Variants in IFT122 observed in about 807,000 individuals in gnomAD.
IFT122 encodes the protein intraflagellar transport 122.
In IFT122, 118 loss-of-function variants were observed where a neutral mutation model predicts 161.6. The observed-to-expected ratio is 0.73, with a 90% CI of 0.63 to 0.85. The LOEUF is 0.85. Ranked by LOEUF, IFT122 falls within the 40% of genes least tolerant of loss-of-function variation. IFT122 has a pLI of 0.00. For synonymous variants in IFT122, 550 were observed against 602.4 expected (o/e 0.91, Z 1.27); for missense variants, 1,381 against 1,579.6 (o/e 0.87, Z 2.13).
intron 15 of IFT122, among the ~76,000 whole-genome samples, chr3:129,486,541 C>T (rs750014466): frequency 3.9e-5 from 6 of 152,172 alleles, no homozygotes; most frequent in Non-Finnish European, 7.3e-5. Flanking sequence ...GAAAAGCTTT[C>T]AGGAGTTTGA....
Position 129,483,693 on chromosome 3 carries a change from G to C in IFT122, c.1851+11G>C. The C allele has an allele frequency of 6.3e-7, 1 of 1,578,764 alleles. No homozygotes were observed. Among genetic ancestry groups the C allele is most frequent in the South Asian group, 1.2e-5 (1 of 86,820 alleles). ...GTGGAGGTGCCGCAGGTAACTGGGG[G>C]TGCCTGTCCACTCTTAGCACTGGCA... On this transcript the variant is annotated intron_variant, in intron 15 of 29. Coordinates refer to ENST00000348417, the MANE Select transcript of IFT122 (RefSeq NM_052989.3).
chr3:129,486,136 A>C (rs2108378270), intron 15 of IFT122, among the ~76,000 whole-genome samples: 1 of 152,212 alleles, frequency 6.6e-6, no homozygotes, highest in Non-Finnish European at 1.5e-5. Context: ...TTAAAACTCC[A>C]CTCAAATTGT....
intron 8 of IFT122, among the ~76,000 whole-genome samples, chr3:129,468,444 A>G (rs2077029184): frequency 6.6e-6 from 1 of 151,724 alleles, no homozygotes; most frequent in Admixed American, 6.6e-5. Flanking sequence ...CCCGGGTTCT[A>G]AGCGATTCTT....
chr3:129,465,544 C>T (rs2076657730), intron 7 of IFT122, among the ~76,000 whole-genome samples: 1 of 147,682 alleles, frequency 6.8e-6, no homozygotes, highest in Non-Finnish European at 1.5e-5. Context: ...AATCTCGGCT[C>T]ACTGCAACCT....
In IFT122 at chr3:129,517,268, GCACACA is replaced by G. The variant is rs777108020; in HGVS notation, c.3266-172_3266-167del. ...CCCTGCACACACACACATTGCTCCTGCACACACACACACACACACACACACACACAC... is the reference window on the plus strand; with the variant it reads ...CCCTGCACACACACACATTGCTCCTGCACACACACACACACACACACACAC... On this transcript the variant is annotated intron_variant, in intron 26 of 29. Transcript: ENST00000348417. 4.7e-3 allele frequency among the ~76,000 whole-genome samples: 545 copies of G among 117,104 alleles called. 2 individuals carry two copies. Among genetic ancestry groups the G allele is most frequent in the Non-Finnish European group, 8.0e-3 (446 of 55,940 alleles). The allele number at this position is 117,104 out of a possible 152,430, so 76.8% of individuals were successfully genotyped here.
At chr3:129,458,480 A>C (rs1312693979) in intron 3 of IFT122, 119 bp from the exon 4 acceptor site, 1 of 867,692 alleles carries the variant, frequency 1.2e-6, no homozygotes, top group Non-Finnish European at 1.9e-6. Context: ...ACTGATAAGA[A>C]CTAGGAAAGA....
At chr3:129,507,927 T>C (rs1677552922) in intron 23 of IFT122, among the ~76,000 whole-genome samples, 165 bp downstream of exon 23, 1 of 152,150 alleles carries the variant, frequency 6.6e-6, no homozygotes, top group African/African-American at 2.4e-5. Context: ...GTTTCTTTGA[T>C]TGACTGTTTG....
Position 129,510,217 on chromosome 3 carries a change from C to T in IFT122, c.2887-2095C>T, listed in dbSNP as rs574964006. Among the ~76,000 whole-genome samples the T allele has an allele frequency of 2.2e-3, 333 of 152,360 alleles. 1 individual carries two copies. Among genetic ancestry groups the T allele is most frequent in the African/African-American group, 5.4e-3 (225 of 41,588 alleles). On this transcript the variant is annotated intron_variant, in intron 23 of 29. Transcript: ENST00000348417. ...CTGGGATTACAGGCATGAGCCACCA[C>T]GCCCAGCCTTCCCGCCGTTCTTTGA...
Position 129,476,664 on chromosome 3 carries a change from T to G in IFT122, c.1010T>G (p.Val337Gly), listed in dbSNP as rs2108278484. The change falls in exon 11 of 30, where the codon GTG (valine) becomes GGG (glycine). Residue 337 changes from valine (V) to glycine (G), a missense_variant and splice_region_variant. Val to Gly is a moderately radical substitution (Grantham distance 109). This residue lies in a region of IFT122 where 544 missense variants were observed against 648.0 expected (regional missense o/e 0.84). Transcript: ENST00000348417. ...CQAKPDSNYV[V>G]VGCQDGTISF... ...ATTGACAGTTCTCTCACCCCGCAGGTGGTCGGCTGCCAGGACGGCACCATT... is the reference window on the plus strand; with the variant it reads ...ATTGACAGTTCTCTCACCCCGCAGGGGGTCGGCTGCCAGGACGGCACCATT... The G allele has an allele frequency of 6.2e-7, 1 of 1,614,204 alleles. No homozygotes were observed. Among genetic ancestry groups the G allele is most frequent in the East Asian group, 2.2e-5 (1 of 44,878 alleles).
At chr3:129,481,384 T>G in intron 13 of IFT122, 146 bp from the exon 14 acceptor site, 2 of 731,324 alleles carry the variant, frequency 2.7e-6, no homozygotes, top group Non-Finnish European at 2.4e-6. Context: ...CCTCTTTCTT[T>G]TGATGAGTCC....
intron 24 of IFT122, 146 bp from the exon 25 acceptor site, chr3:129,514,243 C>T (rs757964833): frequency 1.0e-5 from 9 of 857,404 alleles, no homozygotes; most frequent in Middle Eastern, 2.1e-4. Flanking sequence ...CTCTCACAAG[C>T]GCACAGAGCC....
At chr3:129,478,292 T>C (rs2078204528) in intron 12 of IFT122, 74 bp downstream of exon 12, 3 of 1,293,868 alleles carry the variant, frequency 2.3e-6, no homozygotes, top group Middle Eastern at 1.8e-4. Flanking sequence ...GGTGCCCACC[T>C]CATGGTTTTA....
At chr3:129,475,990 G>A (rs2077887983) in intron 9 of IFT122, 1 of 412,504 alleles carries the variant, frequency 2.4e-6, no homozygotes, top group African/African-American at 2.0e-5. Context: ...GAGGGAGGGG[G>A]GCCTTTGGGA....
Position 129,479,893 on chromosome 3 carries a change from G to A in IFT122, c.1459G>A (p.Gly487Ser). Reference protein sequence around the residue: ...KVIGGPPGREGLLVGLKNGQI... With the variant: ...KVIGGPPGRESLLVGLKNGQI... Reference sequence around the variant, plus strand: ...GATCGGTGGCCCTCCTGGAAGAGAAGGCCTCTTAGTGGGGCTGAAGAATGG... The same window carrying A: ...GATCGGTGGCCCTCCTGGAAGAGAAAGCCTCTTAGTGGGGCTGAAGAATGG... Residue 487 changes from glycine to serine, a missense_variant, in exon 13 of 30, where the codon GGC (glycine) becomes AGC (serine). Coordinates refer to ENST00000348417, the MANE Select transcript of IFT122 (RefSeq NM_052989.3). 6.2e-7 allele frequency: 1 copy of A among 1,613,976 alleles called. No individual in the cohort carries two copies. The highest frequency in any genetic ancestry group is 8.5e-7 in the Non-Finnish European group (1 of 1,180,004).
rs114763710 is a variant in IFT122 at position 129,484,010 on chromosome 3, C to T, written c.1851+328C>T. ...GGCCGAATGGAGTGAGCAGCAAAGC[C>T]GGGAGTCCGGCAGGGTGTGTGTGTG... On this transcript the variant is annotated intron_variant, in intron 15 of 29. Coordinates refer to ENST00000348417, the MANE Select transcript of IFT122 (RefSeq NM_052989.3). 1,255 of 385,384 alleles carry T rather than the reference C, an allele frequency of 3.3e-3. 18 individuals carry two copies. In the East Asian group the frequency reaches 0.037, roughly 11 times the overall value. The allele number at this position is 385,384 out of a possible 1,614,324, so 23.9% of individuals were successfully genotyped here.
chr3:129,465,311 G>A (rs570510180), intron 7 of IFT122, among the ~76,000 whole-genome samples: 17 of 151,918 alleles, frequency 1.1e-4, no homozygotes, highest in Non-Finnish European at 2.1e-4. Context: ...TTTTTCATGA[G>A]CCTTTTTTTG....
rs73865462 is a variant in IFT122, at chr3:129,487,514, A to G, written c.1852-743A>G. On this transcript the variant is annotated intron_variant, in intron 15 of 29. Coordinates refer to ENST00000348417, the MANE Select transcript of IFT122 (RefSeq NM_052989.3). ...AAAGAGAAGTCGTTAGGAACTATTCATGGGCACTCACAGCAAGGCAACCCC... is the reference window on the plus strand; with the variant it reads ...AAAGAGAAGTCGTTAGGAACTATTCGTGGGCACTCACAGCAAGGCAACCCC... 9.8e-3 allele frequency: 1,544 copies of G among 156,810 alleles called. 14 individuals carry two copies. Among genetic ancestry groups the G allele is most frequent in the African/African-American group, 0.035 (1,460 of 41,586 alleles). 9.7% of individuals were successfully genotyped at this position (156,810 alleles called of 1,614,324 possible).
intron 3 of IFT122, among the ~76,000 whole-genome samples, chr3:129,458,196 G>A (rs1023253828): frequency 5.9e-5 from 9 of 152,174 alleles, no homozygotes; most frequent in Admixed American, 3.3e-4. Context: ...AAAAATTTAA[G>A]TAAAAAAGTA....
chr3:129,498,987 A>G (rs2081219913), intron 18 of IFT122, among the ~76,000 whole-genome samples: 1 of 152,228 alleles, frequency 6.6e-6, no homozygotes, highest in South Asian at 2.1e-4. Flanking sequence ...GGGCCAGCCC[A>G]GAGAAGCTGG....
Sources: allele counts gnomAD v4.1 joint callset (sites outside exome capture counted in the v4.1 genomes callset), GRCh38; gene constraint gnomAD v4.1.1; regional missense constraint gnomAD v4.1.1; transcripts MANE v1.5; gene names NCBI Gene and HGNC (gene_info 2026-07-23, HGNC 2026-07-21).